Variants in LSAMP observed in about 807,000 individuals in gnomAD.
LSAMP encodes limbic system associated membrane protein, also known as limbic system-associated membrane protein.
LSAMP carries 7 observed loss-of-function variants against 38.6 expected under a neutral mutation model. The observed-to-expected ratio is 0.18, with a 90% CI of 0.10 to 0.34. The LOEUF (loss-of-function observed/expected upper bound fraction) is 0.34. Ranked by LOEUF, LSAMP falls within the 10% of genes least tolerant of loss-of-function variation. The pLI is 1.00. For missense variants in LSAMP, 313 were observed against 420.0 expected (o/e 0.75, Z 2.23); for synonymous variants, 154 against 166.8 (o/e 0.92, Z 0.59).
At chr3:116,387,316 T>C (rs2048637938) in intron 1 of LSAMP, among the ~76,000 whole-genome samples, 1 of 152,274 alleles carries the variant, frequency 6.6e-6, no homozygotes, top group Admixed American at 6.5e-5. Flanking sequence ...CTATTTATAA[T>C]GTCCAGCATT....
At chr3:115,846,952 C>T (rs906008338) in intron 4 of LSAMP, among the ~76,000 whole-genome samples, 1 of 152,186 alleles carries the variant, frequency 6.6e-6, no homozygotes, top group African/African-American at 2.4e-5. Flanking sequence ...ACACAATGCT[C>T]CCTTGCAGCC....
At chr3:116,339,923 T>C (rs758846071) in intron 1 of LSAMP, among the ~76,000 whole-genome samples, 1 of 152,026 alleles carries the variant, frequency 6.6e-6, no homozygotes, top group Non-Finnish European at 1.5e-5. Flanking sequence ...CTTCCAGATA[T>C]CATGAAGCAG....
At chr3:116,017,802 A>G (rs985264982) in intron 3 of LSAMP, among the ~76,000 whole-genome samples, 1 of 152,202 alleles carries the variant, frequency 6.6e-6, no homozygotes, top group East Asian at 1.9e-4. Flanking sequence ...ATGTAAAACA[A>G]TTAACAATCT....
chr3:116,139,928 C>T (rs1709334513), intron 1 of LSAMP, among the ~76,000 whole-genome samples: 2 of 152,008 alleles, frequency 1.3e-5, no homozygotes, highest in East Asian at 3.9e-4. Context: ...GCCTACTTTT[C>T]ACAAACTAGC....
At chr3:116,082,216 T>C (rs973714976) in intron 2 of LSAMP, among the ~76,000 whole-genome samples, 2 of 152,196 alleles carry the variant, frequency 1.3e-5, no homozygotes, top group African/African-American at 4.8e-5. Flanking sequence ...TTGATGAGTC[T>C]ACAGATATTT....
chr3:116,400,922 A>G (rs2048832548), intron 1 of LSAMP, among the ~76,000 whole-genome samples: 1 of 152,172 alleles, frequency 6.6e-6, no homozygotes, highest in African/African-American at 2.4e-5. Flanking sequence ...TGACCTGTGC[A>G]TATATACTAC....
chr3:116,349,283 A>C, intron 1 of LSAMP, among the ~76,000 whole-genome samples: 1 of 152,062 alleles, frequency 6.6e-6, no homozygotes, highest in East Asian at 1.9e-4. Flanking sequence ...CTATCCATCA[A>C]TATTAGAATA....
chr3:115,917,447 C>G (rs1479427433), intron 3 of LSAMP, among the ~76,000 whole-genome samples: 1 of 152,180 alleles, frequency 6.6e-6, no homozygotes, highest in African/African-American at 2.4e-5. Context: ...CCAGAGGTAG[C>G]TCCATTACCA....
intron 3 of LSAMP, among the ~76,000 whole-genome samples, chr3:115,916,837 A>T (rs1937262250): frequency 1.3e-5 from 2 of 152,178 alleles, no homozygotes; most frequent in Admixed American, 6.5e-5. Context: ...CTGTCACCCA[A>T]GCGTTACACA....
intron 3 of LSAMP, among the ~76,000 whole-genome samples, chr3:115,958,782 C>T (rs1427877273): frequency 2.0e-5 from 3 of 152,104 alleles, no homozygotes; most frequent in African/African-American, 7.2e-5. Context: ...GGCTGTTTTT[C>T]TGCACAGGAT....
In LSAMP at chr3:115,840,286, T is replaced by C. The variant is rs376141347; in HGVS notation, c.919+1559A>G. On this transcript the variant is annotated intron_variant, in intron 6 of 6. Coordinates refer to ENST00000490035, the MANE Select transcript of LSAMP (RefSeq NM_002338.5). ...TTAAGTTTTTAAGTGAATGTTGTTC[T>C]GCTTAACCAGGTCAACTCAGATTTG... is the stretch of plus-strand genomic sequence containing the variant. Among the ~76,000 whole-genome samples the C allele has an allele frequency of 6.6e-5, 10 of 152,338 alleles. 1 individual carries two copies. Among genetic ancestry groups the C allele is most frequent in the South Asian group, 4.1e-4 (2 of 4,824 alleles).
chr3:116,113,026 C>T (rs1708651741), intron 1 of LSAMP, among the ~76,000 whole-genome samples: 1 of 150,306 alleles, frequency 6.7e-6, no homozygotes, highest in African/African-American at 2.5e-5. Flanking sequence ...GTATCTACAA[C>T]AAATAATAAG....
At position 115,809,843 on chromosome 3, in the gene LSAMP, AG is replaced by A. The variant is rs1232248982; in HGVS notation, c.*473del. The A allele has an allele frequency of 6.5e-6, 1 of 154,116 alleles. No individual in the cohort carries two copies. Among genetic ancestry groups the A allele is most frequent in the Non-Finnish European group, 1.4e-5 (1 of 69,562 alleles). 9.5% of individuals were successfully genotyped at this position (154,116 alleles called of 1,614,324 possible). Reference sequence around the variant, plus strand: ...CCATTGATAGTCTGAAGTGGCTACAAGTCAGCTCAAATGAAAAATAGAATTA... The same window carrying A: ...CCATTGATAGTCTGAAGTGGCTACAATCAGCTCAAATGAAAAATAGAATTA... On this transcript the variant is annotated 3_prime_UTR_variant, in exon 7 of 7. Coordinates refer to ENST00000490035, the MANE Select transcript of LSAMP (RefSeq NM_002338.5).
chr3:116,242,775 A>C (rs115323763), intron 1 of LSAMP, among the ~76,000 whole-genome samples: 1 of 151,982 alleles, frequency 6.6e-6, no homozygotes, highest in Non-Finnish European at 1.5e-5. Context: ...GAAAAAAAAA[A>C]CACTAAAGAT....
intron 1 of LSAMP, among the ~76,000 whole-genome samples, chr3:116,427,443 C>T (rs1335464116): frequency 2.0e-5 from 3 of 152,198 alleles, no homozygotes; most frequent in Admixed American, 2.0e-4. Context: ...TTTCATTAAA[C>T]ATGTCCATAG....
chr3:116,094,524 C>T (rs188863460), intron 1 of LSAMP, among the ~76,000 whole-genome samples: 1 of 152,328 alleles, frequency 6.6e-6, no homozygotes, highest in East Asian at 1.9e-4. Flanking sequence ...ATTATCTCCC[C>T]TCACCCTTGC....
intron 2 of LSAMP, among the ~76,000 whole-genome samples, chr3:116,056,227 T>C (rs1941488213): frequency 6.6e-6 from 1 of 152,166 alleles, no homozygotes; most frequent in Admixed American, 6.6e-5. Context: ...TAACAGTTAG[T>C]ATGCATAATG....
At chr3:115,854,740 A>C (rs1046943813) in intron 3 of LSAMP, among the ~76,000 whole-genome samples, 7 of 152,178 alleles carry the variant, frequency 4.6e-5, no homozygotes, top group African/African-American at 1.7e-4. Flanking sequence ...GTTTCTATGC[A>C]CTAAGTGTCA....
intron 1 of LSAMP, among the ~76,000 whole-genome samples, chr3:116,203,170 G>C (rs1478561233): frequency 6.6e-6 from 1 of 152,052 alleles, no homozygotes; most frequent in Non-Finnish European, 1.5e-5. Flanking sequence ...GCAGCATGTT[G>C]TCATATTGAG....
Sources: gnomAD v4.1 joint callset for allele counts (sites outside exome capture counted in the v4.1 genomes callset) on GRCh38, gnomAD v4.1.1 for gene constraint, MANE v1.5 for transcripts, NCBI Gene and HGNC (gene_info 2026-07-23, HGNC 2026-07-21) for gene names.